Variants in MICAL2 observed in about 807,000 individuals in gnomAD.
MICAL2 encodes the protein [F-actin]-monooxygenase MICAL2.
Under a neutral mutation model 127.3 loss-of-function variants are expected in MICAL2, and 77 were observed. That is an observed-to-expected ratio of 0.60 (90% CI 0.50 to 0.73). The LOEUF (loss-of-function observed/expected upper bound fraction) is 0.73, where lower values mean the gene tolerates loss of function less well. Ranked by LOEUF, MICAL2 falls within the 30% of genes least tolerant of loss-of-function variation. The probability of loss-of-function intolerance (pLI) is 0.00; values close to 1 mark genes in which losing one functional copy is unlikely to be tolerated. For synonymous variants in MICAL2, 570 were observed against 551.1 expected (o/e 1.03, Z -0.48); for missense variants, 1,351 against 1,434.4 (o/e 0.94, Z 0.94).
chr11:12,297,209 G>A (rs1863995951), downstream of MICAL2, among the ~76,000 whole-genome samples: 1 of 152,142 alleles, frequency 6.6e-6, no homozygotes, highest in South Asian at 2.1e-4. Context: ...GCACTAACTG[G>A]TGTGTTACTG....
intron 21 of MICAL2, 137 bp downstream of exon 21, chr11:12,244,249 G>A: frequency 8.1e-7 from 1 of 1,233,278 alleles, no homozygotes; most frequent in African/African-American, 1.5e-5. Context: ...CACCAGTGCT[G>A]GATTCAATTT....
At chr11:12,321,192 T>C (rs1590736614) in intron 30 of MICAL2, among the ~76,000 whole-genome samples, 2 of 152,214 alleles carry the variant, frequency 1.3e-5, no homozygotes, top group South Asian at 2.1e-4. Flanking sequence ...GCTTGCCAGG[T>C]GGTAAAGCAT....
intron 1 of MICAL2, among the ~76,000 whole-genome samples, chr11:12,137,285 C>T (rs1441231936): frequency 4.3e-5 from 1 of 23,102 alleles, no homozygotes; most frequent in East Asian, 9.2e-4. Flanking sequence ...GTGGGCCCAC[C>T]AGGACTAAAT....
intron 33 of MICAL2, chr11:12,350,081 T>C: frequency 1.6e-6 from 1 of 622,936 alleles, no homozygotes; most frequent in East Asian, 2.8e-5. Flanking sequence ...TTTTATGTCT[T>C]GCATATCATG....
In MICAL2 at chr11:12,256,862, G is replaced by A; in HGVS notation, c.3033G>A (p.Val1011=). 1 of 1,614,230 alleles carries A rather than the reference G, an allele frequency of 6.2e-7. No individual in the cohort carries two copies. The highest frequency in any genetic ancestry group is 8.5e-7 in the Non-Finnish European group (1 of 1,180,024). The change falls in exon 24 of 28, where the codon GTG becomes GTA. Residue 1011 remains valine (V), a synonymous_variant. Transcript: ENST00000683283. ...ACTTCTGTAAGAAACGTGTGTACGT[G>A]ATGGAACGGCTGAGCGCCGAGGGCC... ...TCYFCKKRVY[V]MERLSAEGHF... is the part of the protein sequence containing the mutation.
At chr11:12,361,146 G>T (rs1209079107), downstream of MICAL2, among the ~76,000 whole-genome samples, 1 of 152,138 alleles carries the variant, frequency 6.6e-6, no homozygotes, top group Non-Finnish European at 1.5e-5. Flanking sequence ...CCCAGCCTCA[G>T]GTCATATTTC....
rs116236980 is a variant in MICAL2 at position 12,178,015 on chromosome 11, G to T, written c.264+15596G>T. ...CATGCTGATAAGATGCTTGGTGGCT[G>T]GCAGCCCATAGGCAGCTTCAGGATG... On this transcript the variant is annotated intron_variant, in intron 3 of 27. Transcript: ENST00000683283. Among the ~76,000 whole-genome samples the T allele has an allele frequency of 6.4e-3, 982 of 152,358 alleles. 11 individuals carry two copies. The highest frequency in any genetic ancestry group is 0.022 in the African/African-American group (912 of 41,582).
At chr11:12,127,938 C>T (rs1484770946) in intron 1 of MICAL2, among the ~76,000 whole-genome samples, 2 of 152,146 alleles carry the variant, frequency 1.3e-5, no homozygotes, top group African/African-American at 2.4e-5. Flanking sequence ...ATTTCAGGCA[C>T]GTTTTCAAGA....
At chr11:12,230,714 T>TCTC (rs1858127882) in intron 15 of MICAL2, among the ~76,000 whole-genome samples, 1 of 150,778 alleles carries the variant, frequency 6.6e-6, no homozygotes, top group African/African-American at 2.5e-5. Flanking sequence ...AATTCTTCTT[T>TCTC]CCCCCCCCAT....
chr11:12,121,538 C>T (rs1040150853), intron 1 of MICAL2: 2 of 152,336 alleles, frequency 1.3e-5, no homozygotes, highest in South Asian at 2.1e-4. Context: ...TCAAGTGCAT[C>T]CTGCCCTGGG....
intron 32 of MICAL2, among the ~76,000 whole-genome samples, chr11:12,348,860 A>T (rs1283260145): frequency 6.6e-6 from 1 of 152,234 alleles, no homozygotes; most frequent in Non-Finnish European, 1.5e-5. Context: ...GCTGCATATA[A>T]GGCACATAGC....
intron 26 of MICAL2, chr11:12,261,533 T>C (rs1317272199): frequency 1.5e-5 from 15 of 985,400 alleles, no homozygotes; most frequent in Non-Finnish European, 1.8e-5. Context: ...AGAAAGGCCA[T>C]CTACGGTGCG....
intron 21 of MICAL2, 86 bp downstream of exon 21, chr11:12,244,198 G>C: frequency 6.5e-7 from 1 of 1,546,550 alleles, no homozygotes; most frequent in Non-Finnish European, 8.9e-7. Context: ...CAAACATCTT[G>C]AGCCTGGCTT....
intron 2 of MICAL2, among the ~76,000 whole-genome samples, chr11:12,144,577 G>A (rs905991971): frequency 4.6e-5 from 7 of 152,106 alleles, no homozygotes; most frequent in Admixed American, 6.5e-5. Flanking sequence ...AGAGGTCTGC[G>A]TTGTTCTCAA....
In MICAL2 at chr11:12,248,259, C is replaced by CG. The variant is rs536636324; in HGVS notation, c.2785-919dup. Reference sequence around the variant, plus strand: ...TCACAGGGAGTCTTGAGGGCTCTCACGGGGGGCTCAGATCCTTGGCAGAGT... The same window carrying CG: ...TCACAGGGAGTCTTGAGGGCTCTCACGGGGGGGCTCAGATCCTTGGCAGAGT... On this transcript the variant is annotated intron_variant, in intron 21 of 27. Coordinates refer to ENST00000683283, the MANE Select transcript of MICAL2 (RefSeq NM_001282663.2). Among the ~76,000 whole-genome samples, 17 of 152,218 alleles carry CG rather than the reference C, an allele frequency of 1.1e-4. No individual in the cohort carries two copies. The East Asian group carries it at 2.9e-3, about 26-fold the overall frequency.
intron 2 of MICAL2, among the ~76,000 whole-genome samples, chr11:12,155,303 T>C (rs1460124470): frequency 2.0e-5 from 3 of 152,130 alleles, no homozygotes; most frequent in Admixed American, 6.5e-5. Context: ...TCACCACACA[T>C]ACATGTACAT....
At chr11:12,236,102 T>G in intron 15 of MICAL2, 75 bp from the exon 16 acceptor site, 1 of 1,301,038 alleles carries the variant, frequency 7.7e-7, no homozygotes, top group Non-Finnish European at 1.1e-6. Context: ...GCCAGCCCTA[T>G]GCCCTCAGGG....
Position 12,196,578 on chromosome 11 carries a change from G to C in MICAL2, c.265-7672G>C, listed in dbSNP as rs555566201. ...GTGCCTGAGCAACTGCAGGGCAGGAGAGAGTCAAGAAAGTAGGTCAACTGT... is the reference window on the plus strand; with the variant it reads ...GTGCCTGAGCAACTGCAGGGCAGGACAGAGTCAAGAAAGTAGGTCAACTGT... On this transcript the variant is annotated intron_variant, in intron 3 of 27. Transcript: ENST00000683283. Among the ~76,000 whole-genome samples, 4 of 152,262 alleles carry C rather than the reference G, an allele frequency of 2.6e-5. No homozygotes were observed. The East Asian group carries it at 7.7e-4, about 29-fold the overall frequency.
At chr11:12,202,243 C>T (rs755918295) in intron 3 of MICAL2, among the ~76,000 whole-genome samples, 2 of 152,176 alleles carry the variant, frequency 1.3e-5, no homozygotes, top group Non-Finnish European at 2.9e-5. Flanking sequence ...TTCTCTTTCT[C>T]TTTGAAAGGG....
Sources: gnomAD v4.1 joint callset for allele counts (sites outside exome capture counted in the v4.1 genomes callset) on GRCh38, gnomAD v4.1.1 for gene constraint, MANE v1.5 for transcripts, NCBI Gene and HGNC (gene_info 2026-07-23, HGNC 2026-07-21) for gene names.